Variants in GRM7 observed in about 807,000 individuals in gnomAD.
The protein encoded by GRM7 is glutamate metabotropic receptor 7, also known as metabotropic glutamate receptor 7.
In GRM7, 35 loss-of-function variants were observed where a neutral mutation model predicts 84.5. The observed-to-expected ratio is 0.41, with a 90% CI of 0.32 to 0.55. The LOEUF (loss-of-function observed/expected upper bound fraction) is 0.55. GRM7 is among the 20% of genes least tolerant of loss of function. The pLI is 0.19. For synonymous variants in GRM7, 487 were observed against 455.1 expected (o/e 1.07, Z -0.89); for missense variants, 1,003 against 1,194.6 (o/e 0.84, Z 2.36).
chr3:6,973,671 G>A (rs1011355529), intron 1 of GRM7, among the ~76,000 whole-genome samples: 3 of 152,166 alleles, frequency 2.0e-5, no homozygotes, highest in African/African-American at 4.8e-5. Flanking sequence ...CTTACTGCAG[G>A]AGGAACCATT....
At chr3:7,089,354 T>G (rs6443084) in intron 1 of GRM7, among the ~76,000 whole-genome samples, 75,697 of 152,000 alleles carry the variant, frequency 0.5, 20,142 homozygotes, top group African/African-American at 0.7. Flanking sequence ...ATAATAGAGT[T>G]GTTTTGTATA....
At chr3:7,049,694 G>T (rs1176627755) in intron 1 of GRM7, among the ~76,000 whole-genome samples, 1 of 151,880 alleles carries the variant, frequency 6.6e-6, no homozygotes, top group African/African-American at 2.4e-5. Context: ...AAAAATTATT[G>T]CAAAAGAAGC....
Position 7,125,528 on chromosome 3 carries a change from A to T in GRM7, c.520-20924A>T, listed in dbSNP as rs548145233. ...ATTTTTAGAGCTTGCCATCCAGATG[A>T]CTAAAGATAAGGTTATGATGTCTTC... is the stretch of plus-strand genomic sequence containing the variant. On this transcript the variant is annotated intron_variant, in intron 1 of 9. Transcript: ENST00000357716. 7.4e-4 allele frequency among the ~76,000 whole-genome samples: 113 copies of T among 152,306 alleles called. 3 individuals are homozygous for T. The South Asian group carries it at 0.011, about 15-fold the overall frequency.
intron 2 of GRM7, among the ~76,000 whole-genome samples, chr3:7,223,966 G>T (rs75950024): frequency 2.6e-5 from 4 of 152,074 alleles, no homozygotes; most frequent in Admixed American, 6.5e-5. Context: ...AATCTTTCTT[G>T]TTGCTCTTAT....
At chr3:7,264,553 AG>A (rs71063293) in intron 2 of GRM7, among the ~76,000 whole-genome samples, 152,248 of 152,250 alleles carry the variant, frequency 1, 76,123 homozygotes, top group Middle Eastern at 1. Flanking sequence ...AGCCCCATGC[AG>A]GAGTTGCCAG....
At chr3:7,176,408 C>A (rs937704193) in intron 2 of GRM7, among the ~76,000 whole-genome samples, 17 of 151,918 alleles carry the variant, frequency 1.1e-4, no homozygotes, top group African/African-American at 3.6e-4. Flanking sequence ...CAGAGCAAGA[C>A]CCTGTCTTGA....
chr3:6,898,917 A>G (rs1489404296), intron 1 of GRM7, among the ~76,000 whole-genome samples: 2 of 152,166 alleles, frequency 1.3e-5, no homozygotes, highest in Non-Finnish European at 1.5e-5. Context: ...GTATTGCCAC[A>G]GTAGAGTATG....
chr3:7,075,998 C>G (rs1302256743), intron 1 of GRM7, among the ~76,000 whole-genome samples: 2 of 151,768 alleles, frequency 1.3e-5, no homozygotes, highest in Non-Finnish European at 2.9e-5. Flanking sequence ...GTTATCTCAT[C>G]TAGGTTTTTA....
chr3:7,461,802 C>A, intron 7 of GRM7, 80 bp downstream of exon 7: 3 of 1,372,926 alleles, frequency 2.2e-6, no homozygotes, highest in Non-Finnish European at 3.1e-6. Flanking sequence ...ACAAATGTTT[C>A]TTGTTTAATG....
intron 7 of GRM7, among the ~76,000 whole-genome samples, chr3:7,511,710 G>A (rs1028438592): frequency 1.3e-5 from 2 of 152,190 alleles, no homozygotes; most frequent in Non-Finnish European, 1.5e-5. Flanking sequence ...AGCTGTCCTG[G>A]AGATTTCTCA....
At chr3:7,144,211 TGTGA>T (rs905238546) in intron 1 of GRM7, among the ~76,000 whole-genome samples, 2 of 152,190 alleles carry the variant, frequency 1.3e-5, no homozygotes, top group African/African-American at 4.8e-5. Context: ...GCATCGTACT[TGTGA>T]GTGTTTATAG....
intron 4 of GRM7, among the ~76,000 whole-genome samples, chr3:7,323,559 G>T (rs147911652): frequency 6.6e-6 from 1 of 152,188 alleles, no homozygotes; most frequent in African/African-American, 2.4e-5. Context: ...CTGCCAAATG[G>T]CCACAATGTT....
intron 2 of GRM7, among the ~76,000 whole-genome samples, chr3:7,211,794 T>C (rs1361622867): frequency 6.6e-6 from 1 of 152,108 alleles, no homozygotes; most frequent in East Asian, 1.9e-4. Context: ...AAATAATTAA[T>C]GAGGAATGTA....
intron 4 of GRM7, among the ~76,000 whole-genome samples, chr3:7,346,346 TC>T (rs1692894331): frequency 6.6e-6 from 1 of 152,234 alleles, no homozygotes; most frequent in South Asian, 2.1e-4. Flanking sequence ...ATTTGTGATT[TC>T]CAAAAGTCAT....
chr3:7,513,314 G>C (rs766137007), intron 7 of GRM7, among the ~76,000 whole-genome samples: 2 of 152,102 alleles, frequency 1.3e-5, no homozygotes, highest in African/African-American at 4.8e-5. Flanking sequence ...GGGGAACCTT[G>C]ATTAATGTCC....
intron 4 of GRM7, among the ~76,000 whole-genome samples, chr3:7,330,087 G>A (rs1018577870): frequency 6.6e-6 from 1 of 152,086 alleles, no homozygotes; most frequent in Non-Finnish European, 1.5e-5. Context: ...AGAGGTTGAG[G>A]CATGGGGTAT....
In GRM7 at chr3:7,468,146, A is replaced by G. The variant is rs544777405; in HGVS notation, c.1515+6424A>G. Among the ~76,000 whole-genome samples the G allele has an allele frequency of 3.9e-5, 6 of 152,318 alleles. No homozygotes were observed. The East Asian group carries it at 1.2e-3, about 29-fold the overall frequency. On this transcript the variant is annotated intron_variant, in intron 7 of 9. Transcript: ENST00000357716. Reference sequence around the variant, plus strand: ...TTACAACAGTAAAAATGTTTTAGAAATCTTATTATACTCATAATTTACAAT... The same window carrying G: ...TTACAACAGTAAAAATGTTTTAGAAGTCTTATTATACTCATAATTTACAAT...
intron 1 of GRM7, among the ~76,000 whole-genome samples, chr3:6,888,798 A>T (rs532841734): frequency 1.1e-4 from 17 of 152,288 alleles, no homozygotes; most frequent in Non-Finnish European, 1.9e-4. Flanking sequence ...TGGGGATGGC[A>T]TTGAATCTAT....
At chr3:6,954,261 G>A (rs1692924498) in intron 1 of GRM7, among the ~76,000 whole-genome samples, 1 of 152,130 alleles carries the variant, frequency 6.6e-6, no homozygotes, top group African/African-American at 2.4e-5. Flanking sequence ...TATTTTGAAA[G>A]ATATAATACC....
Sources: gnomAD v4.1 joint callset for allele counts (sites outside exome capture counted in the v4.1 genomes callset) on GRCh38, gnomAD v4.1.1 for gene constraint, MANE v1.5 for transcripts, NCBI Gene and HGNC (gene_info 2026-07-23, HGNC 2026-07-21) for gene names.